Variants in PDE11A observed in about 807,000 individuals in gnomAD.
PDE11A encodes phosphodiesterase 11A.
In PDE11A, 100 loss-of-function variants were observed where a neutral mutation model predicts 100.5. The observed-to-expected ratio is 1.00, with a 90% CI of 0.85 to 1.18. The LOEUF (loss-of-function observed/expected upper bound fraction) is 1.18, where lower values mean the gene tolerates loss of function less well. Ranked by LOEUF, PDE11A falls within the 50% of genes most tolerant of loss-of-function variation. The probability of loss-of-function intolerance (pLI) is 0.00; values close to 1 mark genes in which losing one functional copy is unlikely to be tolerated. For synonymous variants in PDE11A, 381 were observed against 420.8 expected (o/e 0.91, Z 1.16); for missense variants, 1,141 against 1,152.6 (o/e 0.99, Z 0.15).
chr2:177,813,242 T>C (rs2105573520), intron 9 of PDE11A, among the ~76,000 whole-genome samples: 1 of 152,354 alleles, frequency 6.6e-6, no homozygotes. Context: ...TGCTCCTTTC[T>C]TGGAGTGTCC....
intron 5 of PDE11A, among the ~76,000 whole-genome samples, chr2:177,843,352 C>T (rs900227168): frequency 6.6e-6 from 1 of 152,110 alleles, no homozygotes; most frequent in Admixed American, 6.6e-5. Context: ...AGTGGGTTGT[C>T]ACCTAAGAAC....
chr2:177,991,344 T>C (rs965731038), intron 2 of PDE11A, among the ~76,000 whole-genome samples: 1 of 128,164 alleles, frequency 7.8e-6, no homozygotes. Flanking sequence ...AAGTAAAATA[T>C]AATATATTGG....
At chr2:177,748,667 G>A (rs1411844676) in intron 10 of PDE11A, among the ~76,000 whole-genome samples, 1 of 151,870 alleles carries the variant, frequency 6.6e-6, no homozygotes, top group Non-Finnish European at 1.5e-5. Flanking sequence ...AGGTCACAAA[G>A]GATAAATGAT....
At chr2:177,800,371 A>C (rs2082772909) in intron 9 of PDE11A, among the ~76,000 whole-genome samples, 1 of 151,688 alleles carries the variant, frequency 6.6e-6, no homozygotes, top group Non-Finnish European at 1.5e-5. Flanking sequence ...AGATCTTGCT[A>C]TATTGCCCAG....
At chr2:177,970,383 A>G (rs2085754602) in intron 2 of PDE11A, among the ~76,000 whole-genome samples, 2 of 152,124 alleles carry the variant, frequency 1.3e-5, no homozygotes, top group Non-Finnish European at 2.9e-5. Context: ...AGTCATTTCT[A>G]GGTCACATCG....
intron 17 of PDE11A, among the ~76,000 whole-genome samples, chr2:177,670,033 C>T (rs1385413732): frequency 6.6e-6 from 1 of 152,160 alleles, no homozygotes; most frequent in East Asian, 1.9e-4. Flanking sequence ...ATGAAAACTC[C>T]TCAACTCCCT....
At chr2:177,753,461 CACTGCAGCCTGTT>C (rs1308802506) in intron 10 of PDE11A, among the ~76,000 whole-genome samples, 1 of 151,936 alleles carries the variant, frequency 6.6e-6, no homozygotes, top group Admixed American at 6.6e-5. Context: ...AGACAGGTGG[CACTGCAGCCTGTT>C]ATTCAAGGCC....
intron 19 of PDE11A, among the ~76,000 whole-genome samples, chr2:177,647,628 G>A (rs904705362): frequency 6.6e-6 from 1 of 152,092 alleles, no homozygotes; most frequent in Non-Finnish European, 1.5e-5. Context: ...CACCAGACAT[G>A]CTTAGTTCTG....
At chr2:178,070,357 TA>T (rs2087109640) in intron 1 of PDE11A, among the ~76,000 whole-genome samples, 1 of 152,232 alleles carries the variant, frequency 6.6e-6, no homozygotes, top group Non-Finnish European at 1.5e-5. Context: ...ATTTTCTATG[TA>T]AAATTGTCAA....
chr2:177,805,329 AT>A (rs926556864), intron 9 of PDE11A, among the ~76,000 whole-genome samples: 90 of 150,832 alleles, frequency 6.0e-4, no homozygotes, highest in African/African-American at 2.0e-3. Flanking sequence ...GGTTTCCATG[AT>A]TTTTTTTTCA....
chr2:177,900,061 T>C (rs1159622132), intron 3 of PDE11A, among the ~76,000 whole-genome samples: 2 of 152,134 alleles, frequency 1.3e-5, no homozygotes, highest in Admixed American at 1.3e-4. Context: ...GAAATAATGT[T>C]TGTTTGCTCA....
At chr2:177,931,674 A>G (rs925301515) in intron 2 of PDE11A, among the ~76,000 whole-genome samples, 2 of 152,146 alleles carry the variant, frequency 1.3e-5, no homozygotes, top group African/African-American at 4.8e-5. Context: ...AGTTTATAGC[A>G]CTAAACGTCT....
intron 1 of PDE11A, among the ~76,000 whole-genome samples, chr2:178,037,859 C>G (rs561329632): frequency 4.8e-4 from 73 of 151,872 alleles, no homozygotes; most frequent in African/African-American, 1.7e-3. Context: ...CATCACACAC[C>G]AGGGCCTGTC....
intron 2 of PDE11A, among the ~76,000 whole-genome samples, chr2:177,957,062 TA>T (rs891311512): frequency 1.4e-4 from 20 of 142,762 alleles, no homozygotes; most frequent in South Asian, 4.4e-4. Flanking sequence ...AATAATAAAA[TA>T]AAAAAAAAGA....
chr2:177,861,342 GA>G (rs1236076000), intron 5 of PDE11A, among the ~76,000 whole-genome samples: 4 of 150,650 alleles, frequency 2.7e-5, no homozygotes, highest in Admixed American at 6.6e-5. Flanking sequence ...ATATCAAAAA[GA>G]AAAAAACAGG....
intron 5 of PDE11A, among the ~76,000 whole-genome samples, chr2:177,862,321 C>T (rs895781015): frequency 2.6e-5 from 4 of 151,652 alleles, no homozygotes; most frequent in Non-Finnish European, 5.9e-5. Flanking sequence ...ACATTGTTAG[C>T]CATTAGGAAA....
rs73977792 is a variant in PDE11A at position 177,873,329 on chromosome 2, G to A, written c.1367+2530C>T. Among the ~76,000 whole-genome samples, 236 of 152,196 alleles carry A rather than the reference G, an allele frequency of 1.6e-3. 1 individual carries two copies. Among genetic ancestry groups the A allele is most frequent in the African/African-American group, 5.2e-3 (217 of 41,510 alleles). On this transcript the variant is annotated intron_variant, in intron 5 of 19. Transcript: ENST00000286063. ...AGCTAAAGATATCAGCATGAATAGA[G>A]ATTTTTCTATCGTATTTCATGTTGT...
At chr2:177,849,237 G>T (rs1193783565) in intron 5 of PDE11A, among the ~76,000 whole-genome samples, 1 of 152,186 alleles carries the variant, frequency 6.6e-6, no homozygotes, top group Admixed American at 6.5e-5. Flanking sequence ...ATGGGCAGAA[G>T]CCAAAGGGGT....
chr2:177,820,151 A>AG, intron 7 of PDE11A, 69 bp downstream of exon 7: 1 of 835,938 alleles, frequency 1.2e-6, no homozygotes, highest in African/African-American at 1.7e-5. Context: ...TAAAAAAGAT[A>AG]TGGGAATATT....
Sources: allele counts gnomAD v4.1 joint callset (sites outside exome capture counted in the v4.1 genomes callset), GRCh38; gene constraint gnomAD v4.1.1; transcripts MANE v1.5; gene names NCBI Gene and HGNC (gene_info 2026-07-23, HGNC 2026-07-21).